AGMO: variants seen among roughly 807,000 people sequenced by gnomAD.
AGMO encodes the protein alkylglycerol monooxygenase, also known as glyceryl-ether monooxygenase.
Under a neutral mutation model 60.2 loss-of-function variants are expected in AGMO, and 75 were observed. The ratio of observed to expected loss-of-function variants is 1.25; its 90% CI spans 1.03 to 1.51. AGMO has a LOEUF of 1.51. AGMO is among the 40% of genes most tolerant of loss of function. The pLI is 0.00. For synonymous variants in AGMO, 261 were observed against 177.1 expected, an observed-to-expected ratio of 1.47 and a Z score of -3.76; for missense variants, 763 against 525.5, an observed-to-expected ratio of 1.45 and a Z score of -4.42.
intron 12 of AGMO, among the ~76,000 whole-genome samples, chr7:15,305,152 TCTC>T (rs1016902360): frequency 4.0e-5 from 6 of 151,878 alleles, no homozygotes; most frequent in African/African-American, 1.4e-4. Flanking sequence ...CCATGGATTT[TCTC>T]CTTATTTTCC....
intron 5 of AGMO, among the ~76,000 whole-genome samples, chr7:15,408,032 G>T (rs1271738520): frequency 6.6e-6 from 1 of 151,876 alleles, no homozygotes; most frequent in African/African-American, 2.4e-5. Context: ...GGAGGTAAAA[G>T]AAAGATGTTG....
intron 12 of AGMO, among the ~76,000 whole-genome samples, chr7:15,353,193 G>C (rs900417035): frequency 6.6e-6 from 1 of 152,084 alleles, no homozygotes; most frequent in Non-Finnish European, 1.5e-5. Flanking sequence ...GCTGCTGCTC[G>C]TAATTCACCA....
chr7:15,124,123 CAT>C, the AGMO span, among the ~76,000 whole-genome samples: 1 of 152,104 alleles, frequency 6.6e-6, no homozygotes, highest in Admixed American at 6.6e-5. Context: ...TTGTTTCCCA[CAT>C]AGAGTTTCAC....
chr7:15,391,468 G>A lies in AGMO; in HGVS notation c.677-563C>T, dbSNP rs973687554. ...TTTCCTGCCGCTAAATAATTATAAT[G>A]CAAATAGCTGGTCATTATTTATTTA... On this transcript the variant is annotated intron_variant, in intron 6 of 12. Transcript: ENST00000342526. Among the ~76,000 whole-genome samples the A allele has an allele frequency of 4.6e-5, 7 of 152,050 alleles. No individual in the cohort carries two copies. The South Asian group carries it at 6.2e-4, about 14-fold the overall frequency.
At chr7:15,181,548 C>T in the AGMO span, among the ~76,000 whole-genome samples, 1 of 152,136 alleles carries the variant, frequency 6.6e-6, no homozygotes, top group Non-Finnish European at 1.5e-5. Context: ...GTTCTAGATA[C>T]ATACCTTTTA....
the AGMO span, among the ~76,000 whole-genome samples, chr7:15,119,434 C>A: frequency 0.46 from 69,621 of 151,746 alleles, 16,230 homozygotes; most frequent in South Asian, 0.55. Flanking sequence ...AAATTTTTAA[C>A]CTAACAACTT....
intron 3 of AGMO, among the ~76,000 whole-genome samples, chr7:15,491,178 A>G (rs1419367060): frequency 6.6e-6 from 1 of 152,200 alleles, no homozygotes. Flanking sequence ...AAAATACAGA[A>G]ATGACAGCGG....
chr7:15,163,906 C>A, the AGMO span, among the ~76,000 whole-genome samples: 3 of 151,952 alleles, frequency 2.0e-5, no homozygotes, highest in African/African-American at 7.3e-5. Context: ...TTGGTGCCAG[C>A]TCTTTTTTGT....
chr7:15,263,167 C>T (rs1206477711), intron 12 of AGMO, among the ~76,000 whole-genome samples: 1 of 151,860 alleles, frequency 6.6e-6, no homozygotes, highest in African/African-American at 2.4e-5. Context: ...AGAAAATCTT[C>T]ACAATCCATA....
chr7:15,555,801 G>A (rs932058149), intron 2 of AGMO, among the ~76,000 whole-genome samples: 8 of 151,858 alleles, frequency 5.3e-5, no homozygotes, highest in Admixed American at 3.3e-4. Flanking sequence ...CTGAAGTTAC[G>A]CAATTAATAA....
the AGMO span, among the ~76,000 whole-genome samples, chr7:15,135,064 G>A: frequency 6.6e-6 from 1 of 150,618 alleles, no homozygotes; most frequent in African/African-American, 2.4e-5. Context: ...TTTTAAATTA[G>A]ATATATAATA....
downstream of AGMO, among the ~76,000 whole-genome samples, chr7:15,198,438 C>G (rs1292462996): frequency 6.6e-6 from 1 of 152,116 alleles, no homozygotes; most frequent in Non-Finnish European, 1.5e-5. Flanking sequence ...GAATAAAGTG[C>G]CTTGGTTAAT....
intron 12 of AGMO, among the ~76,000 whole-genome samples, chr7:15,245,709 A>C (rs975445492): frequency 1.3e-5 from 2 of 152,222 alleles, no homozygotes; most frequent in African/African-American, 4.8e-5. Context: ...ACTCATGATA[A>C]TTTAACCACT....
chr7:15,327,679 T>C lies in AGMO; in HGVS notation c.1263+37835A>G, dbSNP rs78815699. On this transcript the variant is annotated intron_variant, in intron 12 of 12. Coordinates refer to ENST00000342526, the MANE Select transcript of AGMO (RefSeq NM_001004320.2). ...TTATTTACGTTGAGGGTATATGTAA[T>C]TAAGCCCTGAGGGGGAGAGAAAGAG... 3.0e-4 allele frequency among the ~76,000 whole-genome samples: 46 copies of C among 151,850 alleles called. No individual in the cohort carries two copies. In the East Asian group the frequency reaches 7.2e-3, roughly 24 times the overall value.
Position 15,385,427 on chromosome 7 carries a change from T to G in AGMO, c.1074+19A>C. The G allele has an allele frequency of 6.9e-7, 1 of 1,445,698 alleles. No homozygotes were observed. Among genetic ancestry groups the G allele is most frequent in the Non-Finnish European group, 9.7e-7 (1 of 1,032,920 alleles). 89.6% of individuals were successfully genotyped at this position (1,445,698 alleles called of 1,614,324 possible). A position where few individuals can be genotyped will look rare whatever the true frequency, so the allele number is the denominator to read the frequency against. ...TAACAGATAATGTTCTCACACTACT[T>G]AAAATGGATATTACTTACAGCTGTA... On this transcript the variant is annotated intron_variant, in intron 10 of 12. Coordinates refer to ENST00000342526, the MANE Select transcript of AGMO (RefSeq NM_001004320.2).
chr7:15,522,756 T>G (rs1390612849), intron 3 of AGMO, among the ~76,000 whole-genome samples: 2 of 152,104 alleles, frequency 1.3e-5, no homozygotes, highest in Non-Finnish European at 2.9e-5. Context: ...GAAGAAAACC[T>G]AGGCAATACC....
At chr7:15,284,041 G>A (rs979450409) in intron 12 of AGMO, among the ~76,000 whole-genome samples, 4 of 151,888 alleles carry the variant, frequency 2.6e-5, no homozygotes, top group Admixed American at 2.6e-4. Flanking sequence ...AATGATAATA[G>A]TGATGTAATT....
At chr7:15,429,595 T>G (rs1371239648) in intron 4 of AGMO, among the ~76,000 whole-genome samples, 3 of 151,988 alleles carry the variant, frequency 2.0e-5, no homozygotes, top group South Asian at 2.1e-4. Context: ...TAGTAGTATC[T>G]TCTTATGGCA....
At chr7:15,406,271 T>C (rs6953712) in intron 5 of AGMO, among the ~76,000 whole-genome samples, 102,608 of 142,440 alleles carry the variant, frequency 0.72, 36,951 homozygotes, top group African/African-American at 0.83. Flanking sequence ...CATATAAGTA[T>C]ACATGTACAC....
Sources: gnomAD v4.1 joint callset for allele counts (sites outside exome capture counted in the v4.1 genomes callset) on GRCh38, gnomAD v4.1.1 for gene constraint, MANE v1.5 for transcripts, NCBI Gene and HGNC (gene_info 2026-07-23, HGNC 2026-07-21) for gene names.